RANBP2: variants seen among roughly 807,000 people sequenced by gnomAD.
The protein encoded by RANBP2 is E3 SUMO-protein ligase RanBP2.
A neutral mutation model predicts 303.6 loss-of-function variants in RANBP2; 57 were observed. The ratio of observed to expected loss-of-function variants is 0.19; its 90% CI spans 0.15 to 0.23. The LOEUF is 0.23. Ranked by LOEUF, RANBP2 falls within the 10% of genes least tolerant of loss-of-function variation. RANBP2 has a pLI of 1.00. For synonymous variants in RANBP2, 1,167 were observed against 1,301.5 expected (o/e 0.90, Z 2.23); for missense variants, 3,138 against 3,780.8 (o/e 0.83, Z 4.46).
the RANBP2 span, among the ~76,000 whole-genome samples, chr2:108,927,011 C>G: frequency 6.6e-6 from 1 of 152,194 alleles, no homozygotes; most frequent in African/African-American, 2.4e-5. Context: ...GCAGCATGAG[C>G]CCCTGAGAGG....
At chr2:109,592,167 T>C in the RANBP2 span, among the ~76,000 whole-genome samples, 3 of 151,484 alleles carry the variant, frequency 2.0e-5, no homozygotes, top group Non-Finnish European at 4.4e-5. Flanking sequence ...TGCAGTGTGC[T>C]CAAAAAACAA....
At chr2:109,704,214 C>G in the RANBP2 span, among the ~76,000 whole-genome samples, 1 of 152,204 alleles carries the variant, frequency 6.6e-6, no homozygotes, top group East Asian at 1.9e-4. Context: ...CCTGTTTCCC[C>G]CTGAGCTTTG....
At chr2:108,958,445 C>T in the RANBP2 span, among the ~76,000 whole-genome samples, 1 of 152,104 alleles carries the variant, frequency 6.6e-6, no homozygotes, top group Non-Finnish European at 1.5e-5. Context: ...AAAAAAAACC[C>T]CAGGGCAGTG....
chr2:108,997,159 T>C, the RANBP2 span, among the ~76,000 whole-genome samples: 2 of 152,118 alleles, frequency 1.3e-5, no homozygotes, highest in Non-Finnish European at 2.9e-5. Context: ...TGTCCTAGTA[T>C]GGCTGGGCGC....
the RANBP2 span, among the ~76,000 whole-genome samples, chr2:109,591,714 C>T: frequency 0.53 from 80,175 of 151,276 alleles, 22,542 homozygotes; most frequent in African/African-American, 0.73. Flanking sequence ...CTGGCCAACA[C>T]GAGCAAAACC....
At chr2:109,292,789 G>A in the RANBP2 span, among the ~76,000 whole-genome samples, 1 of 152,180 alleles carries the variant, frequency 6.6e-6, no homozygotes, top group African/African-American at 2.4e-5. Flanking sequence ...CTGGAGTGCA[G>A]TGGCATGATC....
At chr2:109,198,640 C>T in the RANBP2 span, among the ~76,000 whole-genome samples, 1 of 152,222 alleles carries the variant, frequency 6.6e-6, no homozygotes, top group Non-Finnish European at 1.5e-5. Context: ...GGTTTGTAGA[C>T]AGCCAGTGTC....
chr2:109,721,963 G>A, the RANBP2 span, among the ~76,000 whole-genome samples: 4 of 152,200 alleles, frequency 2.6e-5, no homozygotes, highest in African/African-American at 4.8e-5. Flanking sequence ...GCTCATTTAG[G>A]GATTTAGGCA....
chr2:108,760,043 G>A (rs199722347), intron 18 of RANBP2, among the ~76,000 whole-genome samples: 9 of 151,962 alleles, frequency 5.9e-5, no homozygotes, highest in Non-Finnish European at 1.2e-4. Context: ...AAGGGCGAGA[G>A]CCAAGATCTC....
At chr2:109,490,928 C>T in the RANBP2 span, 2 of 1,496,836 alleles carry the variant, frequency 1.3e-6, no homozygotes, top group Non-Finnish European at 1.8e-6. Flanking sequence ...AGCTGTTGCC[C>T]AGAGAGAGGT....
chr2:109,258,109 G>A, the RANBP2 span, among the ~76,000 whole-genome samples: 2 of 152,136 alleles, frequency 1.3e-5, no homozygotes, highest in Non-Finnish European at 2.9e-5. Context: ...AGCTTAACCG[G>A]CCCAGACATT....
chr2:109,238,465 G>A, the RANBP2 span, among the ~76,000 whole-genome samples: 1 of 112,694 alleles, frequency 8.9e-6, no homozygotes, highest in African/African-American at 6.2e-5. Flanking sequence ...GTGTGTGTGT[G>A]TGTGTGTGTG....
At chr2:109,055,397 T>G in the RANBP2 span, among the ~76,000 whole-genome samples, 1 of 146,522 alleles carries the variant, frequency 6.8e-6, no homozygotes, top group Non-Finnish European at 1.5e-5. Flanking sequence ...AGTCTCACTC[T>G]GTCACCCAGG....
At chr2:109,227,141 G>T in the RANBP2 span, among the ~76,000 whole-genome samples, 1 of 152,194 alleles carries the variant, frequency 6.6e-6, no homozygotes, top group Admixed American at 6.5e-5. Context: ...CTCCGGCTGA[G>T]TGAACTGATG....
chr2:109,613,744 T>A, the RANBP2 span: 1 of 1,150,070 alleles, frequency 8.7e-7, no homozygotes, highest in Non-Finnish European at 1.1e-6. Flanking sequence ...GGGCGGGAAG[T>A]CCCGCGGGGG....
the RANBP2 span, among the ~76,000 whole-genome samples, chr2:109,255,713 C>T: frequency 6.6e-6 from 1 of 152,220 alleles, no homozygotes; most frequent in African/African-American, 2.4e-5. Context: ...GGTGATAATT[C>T]ATGGTCATTT....
At position 108,761,105 on chromosome 2, in the gene RANBP2, GA is replaced by G. The variant is rs1200556700; in HGVS notation, c.2603-995del. On this transcript the variant is annotated intron_variant, in intron 18 of 28. Transcript: ENST00000283195. ...AGTCCCTACTTAAACTTCAGACTAA[GA>G]TTTTTTTTTTATTTAATATTTTATT... Among the ~76,000 whole-genome samples the G allele has an allele frequency of 2.0e-5, 3 of 149,114 alleles. No homozygotes were observed. The Admixed American group carries it at 2.0e-4, about 10-fold the overall frequency.
the RANBP2 span, among the ~76,000 whole-genome samples, chr2:109,319,157 A>C: frequency 6.6e-6 from 1 of 152,150 alleles, no homozygotes; most frequent in Non-Finnish European, 1.5e-5. Context: ...ATGGCTTAGT[A>C]ACTCTCCAGT....
the RANBP2 span, among the ~76,000 whole-genome samples, chr2:109,327,632 G>C: frequency 6.6e-6 from 1 of 152,036 alleles, no homozygotes; most frequent in Non-Finnish European, 1.5e-5. Flanking sequence ...AATTTATTTA[G>C]GCCATCTTTA....
Sources: allele counts gnomAD v4.1 joint callset (sites outside exome capture counted in the v4.1 genomes callset), GRCh38; gene constraint gnomAD v4.1.1; transcripts MANE v1.5; gene names NCBI Gene and HGNC (gene_info 2026-07-23, HGNC 2026-07-21).